IL1RAPL1: variants seen among roughly 807,000 people sequenced by gnomAD.
The protein encoded by IL1RAPL1 is interleukin-1 receptor accessory protein-like 1.
In IL1RAPL1, 3 loss-of-function variants were observed where a neutral mutation model predicts 48.4. The observed-to-expected ratio is 0.06, with a 90% confidence interval of 0.03 to 0.16. The LOEUF is 0.16. IL1RAPL1 is among the 10% of genes least tolerant of loss of function. The pLI is 1.00. For synonymous variants in IL1RAPL1, 185 were observed against 187.7 expected (o/e 0.99, Z 0.12); for missense variants, 349 against 530.6 (o/e 0.66, Z 3.36).
At chrX:29,390,116 A>G (rs752636178) in intron 3 of IL1RAPL1, among the ~76,000 whole-genome samples, 10 of 112,592 alleles carry the variant, frequency 8.9e-5, no homozygotes, top group Non-Finnish European at 1.5e-4. Flanking sequence ...AAGGTTTAAC[A>G]AACTCTAAGA....
At chrX:29,159,922 GCTGGTCTTGAA>G (rs750095562) in intron 2 of IL1RAPL1, among the ~76,000 whole-genome samples, 1,224 of 111,070 alleles carry the variant, frequency 0.011, 19 homozygotes, top group African/African-American at 0.037. Context: ...TGTTGGTCAG[GCTGGTCTTGAA>G]CTCCCGACCT....
chrX:29,223,001 C>T (rs990916677), intron 2 of IL1RAPL1, among the ~76,000 whole-genome samples: 1 of 111,146 alleles, frequency 9.0e-6, no homozygotes, highest in African/African-American at 3.3e-5. Context: ...CTCTCATTCT[C>T]AATATAAATC....
chrX:29,717,104 C>A (rs1048555081), intron 6 of IL1RAPL1, among the ~76,000 whole-genome samples: 6 of 110,046 alleles, frequency 5.5e-5, no homozygotes, highest in Non-Finnish European at 1.1e-4. Context: ...ATTATACACT[C>A]TTAAGACATT....
intron 5 of IL1RAPL1, among the ~76,000 whole-genome samples, chrX:29,581,520 A>G (rs890132134): frequency 3.7e-4 from 41 of 111,882 alleles, no homozygotes; most frequent in African/African-American, 1.2e-3. Flanking sequence ...ATGAGACACA[A>G]TTGTTTCCTG....
chrX:28,724,928 C>T (rs1041424282), intron 1 of IL1RAPL1, among the ~76,000 whole-genome samples: 3 of 107,677 alleles, frequency 2.8e-5, no homozygotes, highest in Admixed American at 1.0e-4. Flanking sequence ...CATGACTTGA[C>T]GTCTACCTCC....
intron 5 of IL1RAPL1, among the ~76,000 whole-genome samples, chrX:29,517,124 T>G (rs1290305694): frequency 9.0e-6 from 1 of 111,299 alleles, no homozygotes; most frequent in Non-Finnish European, 1.9e-5. Flanking sequence ...ACATTTATTA[T>G]CTTTTTCCTT....
chrX:29,769,766 G>T (rs1929012652), intron 6 of IL1RAPL1, among the ~76,000 whole-genome samples: 1 of 107,023 alleles, frequency 9.3e-6, no homozygotes, highest in Non-Finnish European at 1.9e-5. Flanking sequence ...AGAGGCACGG[G>T]CCACCATGCC....
At chrX:29,812,033 G>T (rs1338681166) in intron 6 of IL1RAPL1, among the ~76,000 whole-genome samples, 1 of 111,741 alleles carries the variant, frequency 8.9e-6, no homozygotes, top group Admixed American at 9.6e-5. Context: ...AATGTGATAA[G>T]AAGAAACGCT....
intron 6 of IL1RAPL1, among the ~76,000 whole-genome samples, chrX:29,734,724 G>A (rs1444812746): frequency 8.9e-6 from 1 of 111,844 alleles, no homozygotes; most frequent in Admixed American, 9.5e-5. Flanking sequence ...GCAAGATCAG[G>A]GGAAGCTACC....
intron 6 of IL1RAPL1, among the ~76,000 whole-genome samples, chrX:29,860,307 C>T (rs143461645): frequency 0.018 from 2,069 of 111,906 alleles, 24 homozygotes; most frequent in African/African-American, 0.038. Flanking sequence ...GCATATGATG[C>T]GGCTTGTAAA....
intron 6 of IL1RAPL1, among the ~76,000 whole-genome samples, chrX:29,877,864 T>C (rs754940150): frequency 1.8e-5 from 2 of 111,890 alleles, no homozygotes; most frequent in Admixed American, 9.5e-5. Flanking sequence ...AAAATCATCA[T>C]GGAAAAAATG....
At chrX:29,788,230 C>T (rs1929548913) in intron 6 of IL1RAPL1, among the ~76,000 whole-genome samples, 1 of 111,560 alleles carries the variant, frequency 9.0e-6, no homozygotes. Flanking sequence ...TACTATGTAC[C>T]AGGCACTCTT....
At chrX:29,383,947 G>C (rs919205338) in intron 3 of IL1RAPL1, among the ~76,000 whole-genome samples, 1 of 112,132 alleles carries the variant, frequency 8.9e-6, no homozygotes, top group Non-Finnish European at 1.9e-5. Context: ...AGCTGGAAAA[G>C]TACCTTAACT....
intron 2 of IL1RAPL1, among the ~76,000 whole-genome samples, chrX:29,063,281 A>G (rs1369834047): frequency 8.9e-6 from 1 of 111,741 alleles, no homozygotes; most frequent in African/African-American, 3.2e-5. Context: ...ATGATAAGTG[A>G]AGATTCATCT....
chrX:29,693,045 A>G (rs1282130443), intron 6 of IL1RAPL1, among the ~76,000 whole-genome samples: 1 of 112,222 alleles, frequency 8.9e-6, no homozygotes, highest in African/African-American at 3.2e-5. Flanking sequence ...CTGCATGTTT[A>G]TGGGTCTGGT....
rs765784070 is a variant in IL1RAPL1 at position 29,815,208 on chromosome X, A to G, written c.779-102256A>G. ...TTAACAGTATTGATTCTTCCAATCC[A>G]TGATCATGAAATGTTTTTCCATGTG... On this transcript the variant is annotated intron_variant, in intron 6 of 10. Transcript: ENST00000378993. 1.3e-4 allele frequency among the ~76,000 whole-genome samples: 14 copies of G among 111,871 alleles called. No homozygotes were observed. In the South Asian group the frequency reaches 4.5e-3, roughly 36 times the overall value.
intron 1 of IL1RAPL1, among the ~76,000 whole-genome samples, chrX:28,644,320 C>G (rs1301510067): frequency 9.0e-6 from 1 of 111,553 alleles, no homozygotes; most frequent in East Asian, 2.8e-4. Context: ...TACATCCTTT[C>G]TTATTTTGTC....
intron 8 of IL1RAPL1, among the ~76,000 whole-genome samples, chrX:29,938,024 C>A (rs888103290): frequency 1.8e-5 from 2 of 111,586 alleles, no homozygotes; most frequent in African/African-American, 6.5e-5. Flanking sequence ...TCTGTAACTG[C>A]TAAGCTACAT....
intron 2 of IL1RAPL1, among the ~76,000 whole-genome samples, chrX:29,143,330 A>C (rs1040808739): frequency 5.3e-5 from 6 of 112,205 alleles, no homozygotes; most frequent in African/African-American, 1.9e-4. Flanking sequence ...TAGAAGATCC[A>C]TACAAAGTGT....
Sources: allele counts gnomAD v4.1 joint callset (sites outside exome capture counted in the v4.1 genomes callset), GRCh38; gene constraint gnomAD v4.1.1; transcripts MANE v1.5; gene names NCBI Gene and HGNC (gene_info 2026-07-23, HGNC 2026-07-21).